The following EDARADD variants were observed in gnomAD, a reference collection of about 807,000 sequenced individuals.
EDARADD encodes ectodysplasin-A receptor-associated adapter protein.
Under a neutral mutation model 25.6 loss-of-function variants are expected in EDARADD, and 20 were observed. That is an observed-to-expected ratio of 0.78 (90% confidence interval 0.55 to 1.14). The LOEUF is 1.14. Among genes scored for constraint, EDARADD ranks in the 50% most tolerant of loss-of-function variants. The probability of loss-of-function intolerance (pLI) is 0.00; values close to 1 mark genes in which losing one functional copy is unlikely to be tolerated. For synonymous variants in EDARADD, 86 were observed against 94.4 expected (o/e 0.91, Z 0.52); for missense variants, 225 against 270.1 (o/e 0.83, Z 1.17).
intron 3 of EDARADD, among the ~76,000 whole-genome samples, chr1:236,366,948 G>C (rs73119299): frequency 2.6e-3 from 390 of 151,784 alleles, no homozygotes; most frequent in African/African-American, 9.0e-3. Flanking sequence ...ATGGTGGCAC[G>C]CACCAGTAGT....
chr1:236,374,273 C>T (rs1441925398), intron 3 of EDARADD, among the ~76,000 whole-genome samples: 3 of 146,958 alleles, frequency 2.0e-5, no homozygotes, highest in African/African-American at 7.5e-5. Context: ...TCCCTTCCTC[C>T]CTTCCTCCCT....
At position 236,476,687 on chromosome 1, in the gene EDARADD, G is replaced by A. The variant is rs186809059; in HGVS notation, c.266-5580G>A. On this transcript the variant is annotated intron_variant, in intron 5 of 5. Transcript: ENST00000334232. ...ATTACAGGCATGTGCCACCACACCC[G>A]GCTAATTTTGTATTTTTGGCAGAGA... is the stretch of plus-strand genomic sequence containing the variant. Among the ~76,000 whole-genome samples the A allele has an allele frequency of 6.6e-4, 101 of 151,888 alleles. 2 individuals are homozygous for A. In the East Asian group the frequency reaches 0.017, roughly 25 times the overall value.
chr1:236,402,307 G>C (rs555159064), intron 1 of EDARADD, among the ~76,000 whole-genome samples: 33 of 152,194 alleles, frequency 2.2e-4, no homozygotes, highest in African/African-American at 7.7e-4. Context: ...GTGGTGGCTT[G>C]TGCCTGTAAT....
rs1667561992 is a variant in EDARADD at position 236,398,587 on chromosome 1, T to G, written c.61+4082T>G. Among the ~76,000 whole-genome samples, 1 of 152,230 alleles carries G rather than the reference T, an allele frequency of 6.6e-6. No homozygotes were observed. The highest frequency in any genetic ancestry group is 1.5e-5 in the Non-Finnish European group (1 of 68,042). ...GACCCCTGCTCTCTGCACGCAGCCG[T>G]GCTGCCTCCTTTCATTTCCTTGAAG... On this transcript the variant is annotated intron_variant, in intron 1 of 5. Coordinates refer to ENST00000334232, the MANE Select transcript of EDARADD (RefSeq NM_145861.4). The surrounding 1 kb of genome is among the most constrained non-coding windows in gnomAD (Gnocchi z 4.1).
chr1:236,432,702 C>G (rs910458501), intron 4 of EDARADD, among the ~76,000 whole-genome samples: 2 of 151,932 alleles, frequency 1.3e-5, no homozygotes, highest in Non-Finnish European at 2.9e-5. Context: ...CTGGCCAACA[C>G]AGTGAAACCC....
At chr1:236,466,369 C>T (rs559419442) in intron 4 of EDARADD, among the ~76,000 whole-genome samples, 1 of 152,174 alleles carries the variant, frequency 6.6e-6, no homozygotes, top group South Asian at 2.1e-4. Flanking sequence ...CAGAGACTCA[C>T]TATAATTCTC....
At chr1:236,424,508 C>T (rs1657861604) in intron 3 of EDARADD, among the ~76,000 whole-genome samples, 1 of 152,040 alleles carries the variant, frequency 6.6e-6, no homozygotes, top group Non-Finnish European at 1.5e-5. Context: ...TTCTTTCATT[C>T]CCTTTTTATG....
chr1:236,457,970 T>C (rs187663237), intron 4 of EDARADD, among the ~76,000 whole-genome samples: 86 of 152,352 alleles, frequency 5.6e-4, no homozygotes, highest in Non-Finnish European at 1.0e-3. Flanking sequence ...TTTGACTCAA[T>C]GGCTTCTCTT....
intron 4 of EDARADD, among the ~76,000 whole-genome samples, chr1:236,444,754 T>C (rs115610290): frequency 0.014 from 2,077 of 152,286 alleles, 57 homozygotes; most frequent in African/African-American, 0.048. Context: ...ATCACCATGG[T>C]CACTGCACAA....
intron 4 of EDARADD, among the ~76,000 whole-genome samples, chr1:236,458,250 G>A (rs138787395): frequency 2.0e-5 from 3 of 152,326 alleles, no homozygotes; most frequent in Non-Finnish European, 4.4e-5. Context: ...GAAGAGCTGC[G>A]GGTAACTCCC....
In EDARADD at chr1:236,483,682, T is replaced by G. The variant is rs1659749070; in HGVS notation, c.*1033T>G. The G allele has an allele frequency of 6.4e-7, 1 of 1,571,110 alleles. No homozygotes were observed. On this transcript the variant is annotated 3_prime_UTR_variant, in exon 6 of 6. Transcript: ENST00000334232. Reference sequence around the variant, plus strand: ...ATGCAGGAGTTCATGGTCCTCCCAGTCGGTGCAGCAAACTTCAGGGAAGCC... The same window carrying G: ...ATGCAGGAGTTCATGGTCCTCCCAGGCGGTGCAGCAAACTTCAGGGAAGCC...
intron 3 of EDARADD, among the ~76,000 whole-genome samples, chr1:236,379,232 T>C (rs1667265934): frequency 6.6e-6 from 1 of 151,596 alleles, no homozygotes; most frequent in Admixed American, 6.6e-5. Context: ...CAGCTGGGTG[T>C]GCTGGCGCAT....
At chr1:236,373,041 G>A (rs557639781) in intron 3 of EDARADD, among the ~76,000 whole-genome samples, 9 of 145,740 alleles carry the variant, frequency 6.2e-5, no homozygotes, top group African/African-American at 2.3e-4. Context: ...TCAGCCTCCC[G>A]ATTAGCTGGG....
intron 4 of EDARADD, among the ~76,000 whole-genome samples, chr1:236,447,242 C>CTTT (rs753028993): frequency 1.4e-4 from 12 of 88,444 alleles, no homozygotes; most frequent in East Asian, 6.0e-4. Flanking sequence ...TCCTTTCTTT[C>CTTT]CTTTCTTTCC....
intron 3 of EDARADD, among the ~76,000 whole-genome samples, chr1:236,419,703 G>A (rs1021442650): frequency 4.6e-5 from 7 of 152,134 alleles, no homozygotes; most frequent in Admixed American, 1.3e-4. Flanking sequence ...GATGGTGACC[G>A]CTCTAGCTGT....
chr1:236,364,087 G>A (rs1318615045), intron 3 of EDARADD, among the ~76,000 whole-genome samples: 2 of 151,890 alleles, frequency 1.3e-5, no homozygotes, highest in East Asian at 3.9e-4. Flanking sequence ...AGGAGGTGGA[G>A]GTTGCAGTGA....
chr1:236,360,330 A>G (rs1306234293), intron 3 of EDARADD, among the ~76,000 whole-genome samples: 1 of 149,650 alleles, frequency 6.7e-6, no homozygotes, highest in African/African-American at 2.5e-5. Context: ...AAAAAAAAAA[A>G]GAAGAAGAAG....
intron 3 of EDARADD, among the ~76,000 whole-genome samples, chr1:236,380,981 A>C (rs1322435726): frequency 6.6e-6 from 1 of 152,226 alleles, no homozygotes; most frequent in Admixed American, 6.5e-5. Context: ...TGACATACAT[A>C]TAGGCCCATG....
At chr1:236,400,738 T>TTTG (rs1553265109) in intron 1 of EDARADD, among the ~76,000 whole-genome samples, 3 of 141,818 alleles carry the variant, frequency 2.1e-5, no homozygotes, top group Non-Finnish European at 3.1e-5. Flanking sequence ...TTTTTTTTTT[T>TTTG]GTATTTTTAG....
Sources: allele counts gnomAD v4.1 joint callset (sites outside exome capture counted in the v4.1 genomes callset), GRCh38; gene constraint gnomAD v4.1.1; non-coding constraint Gnocchi (gnomAD v3.1); transcripts MANE v1.5; gene names NCBI Gene and HGNC (gene_info 2026-07-23, HGNC 2026-07-21).